The following SPATA13 variants were observed in gnomAD, a reference collection of about 807,000 sequenced individuals.
The protein encoded by SPATA13 is spermatogenesis associated 13.
In SPATA13, 50 loss-of-function variants were observed where a neutral mutation model predicts 104.0. That is an observed-to-expected ratio of 0.48 (90% CI 0.38 to 0.61). The LOEUF (loss-of-function observed/expected upper bound fraction) is 0.61. Ranked by LOEUF, SPATA13 falls within the 20% of genes least tolerant of loss-of-function variation. The pLI, the probability that SPATA13 is intolerant of heterozygous loss-of-function variation, is 0.00. For missense variants in SPATA13, 1,524 were observed against 1,690.6 expected (o/e 0.90, Z 1.73); for synonymous variants, 606 against 667.5 (o/e 0.91, Z 1.42).
At chr13:24,128,611 T>C (rs1453231785) in intron 3 of SPATA13, among the ~76,000 whole-genome samples, 3 of 152,040 alleles carry the variant, frequency 2.0e-5, no homozygotes, top group Admixed American at 6.5e-5. Flanking sequence ...GCCCCAGAAA[T>C]CTGCATTCTA....
intron 3 of SPATA13, among the ~76,000 whole-genome samples, chr13:24,043,491 CA>C (rs1711770662): frequency 6.6e-6 from 1 of 152,122 alleles, no homozygotes; most frequent in Non-Finnish European, 1.5e-5. Flanking sequence ...CACACACACA[CA>C]CACCCATGAA....
At chr13:24,010,507 T>C (rs1307561142) in intron 2 of SPATA13, among the ~76,000 whole-genome samples, 1 of 150,820 alleles carries the variant, frequency 6.6e-6, no homozygotes, top group African/African-American at 2.4e-5. Flanking sequence ...AGGAATAGAA[T>C]GGGAGGCAGG....
chr13:23,998,547 C>T (rs573264044), intron 2 of SPATA13, among the ~76,000 whole-genome samples: 25 of 152,306 alleles, frequency 1.6e-4, no homozygotes, highest in Non-Finnish European at 2.9e-4. Context: ...TTAACAGTGT[C>T]TTTTGAAAAA....
At chr13:24,097,841 G>A (rs1456871381) in intron 3 of SPATA13, among the ~76,000 whole-genome samples, 1 of 152,150 alleles carries the variant, frequency 6.6e-6, no homozygotes, top group Non-Finnish European at 1.5e-5. Flanking sequence ...CGCAGGCGAG[G>A]GCCCCACACT....
chr13:24,127,886 C>T (rs1036203760), intron 3 of SPATA13, among the ~76,000 whole-genome samples: 1 of 152,164 alleles, frequency 6.6e-6, no homozygotes, highest in Non-Finnish European at 1.5e-5. Flanking sequence ...CTCTTCCTAC[C>T]GAATTGAGTT....
chr13:24,167,493 C>G (rs1882789118), intron 1 of SPATA13, among the ~76,000 whole-genome samples: 1 of 152,218 alleles, frequency 6.6e-6, no homozygotes, highest in Non-Finnish European at 1.5e-5. Flanking sequence ...CCCCAGCAAC[C>G]TGGCACCATT....
chr13:24,283,722 G>T (rs1875717278), intron 4 of SPATA13, among the ~76,000 whole-genome samples: 1 of 152,202 alleles, frequency 6.6e-6, no homozygotes, highest in Admixed American at 6.5e-5. Context: ...TAATACTGTT[G>T]CCTTGCAGAT....
chr13:24,192,951 T>C lies in SPATA13; in HGVS notation c.-111-29868T>C, dbSNP rs1188016646. ...AAAGGATTCTTTCCTCCCCCTGCTGTTCTCAAAACACCAAGCACTGTAACC... is the reference window on the plus strand; with the variant it reads ...AAAGGATTCTTTCCTCCCCCTGCTGCTCTCAAAACACCAAGCACTGTAACC... On this transcript the variant is annotated intron_variant, in intron 1 of 12. Transcript: ENST00000382108. Among the ~76,000 whole-genome samples the C allele has an allele frequency of 2.0e-5, 3 of 152,218 alleles. No individual in the cohort carries two copies. The East Asian group carries it at 5.8e-4, about 29-fold the overall frequency.
Position 24,289,096 on chromosome 13 carries a change from G to T in SPATA13, c.2765G>T (p.Arg922Ile), listed in dbSNP as rs777963759. ...GNIEDIYKFQ[R>I]KFLKDLEKQY... is the part of the protein sequence containing the mutation. ...ATTGAAGATATTTACAAATTCCAAA[G>T]AAAGTTTCTGAAAGACCTTGAGAAA... Residue 922 changes from arginine to isoleucine, a missense_variant, in exon 8 of 13, where the codon AGA becomes ATA. Arg to Ile is a moderately conservative substitution (Grantham distance 97, BLOSUM62 -3). This residue lies in a region of SPATA13 where 435 missense variants were observed against 554.8 expected (regional missense o/e 0.78). Transcript: ENST00000382108. The T allele has an allele frequency of 1.9e-6, 3 of 1,613,714 alleles. No homozygotes were observed. The highest frequency in any genetic ancestry group is 2.5e-6 in the Non-Finnish European group (3 of 1,179,862).
chr13:24,245,584 C>CTTTTTTTTTTT (rs61316306), intron 2 of SPATA13, among the ~76,000 whole-genome samples: 5 of 88,636 alleles, frequency 5.6e-5, no homozygotes, highest in Non-Finnish European at 7.9e-5. Flanking sequence ...ACAGTTGTTT[C>CTTTTTTTTTTT]TTTTTTTTTT....
Position 24,306,962 on chromosome 13 carries a change from G to T in SPATA13, c.*4189G>T, listed in dbSNP as rs1877616353. 6.6e-6 allele frequency: 1 copy of T among 152,084 alleles called. No individual in the cohort carries two copies. The highest frequency in any genetic ancestry group is 2.4e-5 in the African/African-American group (1 of 41,408). 9.4% of individuals were successfully genotyped at this position (152,084 alleles called of 1,614,324 possible). A position where few individuals can be genotyped will look rare whatever the true frequency, so the allele number is the denominator to read the frequency against. ...TTGATGTAACTTGATATGTATTTTT[G>T]TTGAAGTTTTTTGTAAAAAAAAATT... On this transcript the variant is annotated 3_prime_UTR_variant, in exon 13 of 13. Coordinates refer to ENST00000382108, the MANE Select transcript of SPATA13 (RefSeq NM_001166271.3).
At chr13:24,267,077 G>A (rs533797046) in intron 4 of SPATA13, among the ~76,000 whole-genome samples, 1 of 152,104 alleles carries the variant, frequency 6.6e-6, no homozygotes, top group African/African-American at 2.4e-5. Context: ...CTATCTCCTT[G>A]TTCTATCATG....
rs1206663955 is a variant in SPATA13 at position 24,136,837 on chromosome 13, A to AT, written c.-111-85972dup. Among the ~76,000 whole-genome samples, 86 of 106,424 alleles carry AT rather than the reference A, an allele frequency of 8.1e-4. 24 individuals carry two copies. The highest frequency in any genetic ancestry group is 4.3e-3 in the Admixed American group (40 of 9,358). The allele number at this position is 106,424 out of a possible 152,430, so 69.8% of individuals were successfully genotyped here. ...AATATGTTCTTTATTTTATTTATTT[A>AT]TTTTTTTTTTGAGACGGAGTCTCGC... is the stretch of plus-strand genomic sequence containing the variant. On this transcript the variant is annotated intron_variant, in intron 3 of 14. Transcript: ENST00000424834.
At chr13:24,281,466 G>C (rs1240963010) in intron 4 of SPATA13, among the ~76,000 whole-genome samples, 1 of 152,222 alleles carries the variant, frequency 6.6e-6, no homozygotes, top group African/African-American at 2.4e-5. Flanking sequence ...AAGGTTCCCT[G>C]GCTGTCGCGG....
chr13:24,137,767 CA>C (rs1028775684), intron 3 of SPATA13, among the ~76,000 whole-genome samples: 1 of 151,946 alleles, frequency 6.6e-6, no homozygotes. Flanking sequence ...ACTGTCTCTC[CA>C]AAAAAACCCA....
intron 2 of SPATA13, among the ~76,000 whole-genome samples, chr13:23,987,812 A>G (rs994112819): frequency 3.9e-5 from 6 of 152,174 alleles, no homozygotes; most frequent in African/African-American, 1.4e-4. Context: ...TTCTGTCTCT[A>G]TGAATTTGGC....
intron 1 of SPATA13, among the ~76,000 whole-genome samples, chr13:24,175,617 A>T (rs1352628598): frequency 6.6e-6 from 1 of 152,210 alleles, no homozygotes. Context: ...AACTACCTTA[A>T]TGTTTACCAA....
At chr13:24,140,087 G>C (rs927298263) in intron 3 of SPATA13, among the ~76,000 whole-genome samples, 2 of 147,094 alleles carry the variant, frequency 1.4e-5, no homozygotes, top group Non-Finnish European at 3.0e-5. Flanking sequence ...AAAAAAAAAA[G>C]TCTGTAACAT....
intron 1 of SPATA13, among the ~76,000 whole-genome samples, chr13:24,212,628 G>A (rs1157741756): frequency 6.6e-6 from 1 of 152,218 alleles, no homozygotes; most frequent in Non-Finnish European, 1.5e-5. Flanking sequence ...GACAGGTTTT[G>A]TGGGGAGGAG....
Sources: allele counts gnomAD v4.1 joint callset (sites outside exome capture counted in the v4.1 genomes callset), GRCh38; gene constraint gnomAD v4.1.1; regional missense constraint gnomAD v4.1.1; transcripts MANE v1.5; gene names NCBI Gene and HGNC (gene_info 2026-07-23, HGNC 2026-07-21).